NAV2: variants seen among roughly 807,000 people sequenced by gnomAD.
The protein encoded by NAV2 is helicase, APC down-regulated 1.
Under a neutral mutation model 223.2 loss-of-function variants are expected in NAV2, and 54 were observed. The ratio of observed to expected loss-of-function variants is 0.24; its 90% CI spans 0.19 to 0.30. The LOEUF is 0.30. NAV2 is among the 10% of genes least tolerant of loss of function. The pLI is 1.00. For missense variants in NAV2, 2,806 were observed against 3,147.5 expected (o/e 0.89, Z 2.60); for synonymous variants, 1,279 against 1,239.3 (o/e 1.03, Z -0.67).
chr11:19,998,282 C>CCT lies in NAV2; in HGVS notation c.2768+14041_2768+14042dup, dbSNP rs1299752069. Among the ~76,000 whole-genome samples, 1 of 151,902 alleles carries CCT rather than the reference C, an allele frequency of 6.6e-6. No homozygotes were observed. The highest frequency in any genetic ancestry group is 1.5e-5 in the Non-Finnish European group (1 of 67,982). On this transcript the variant is annotated intron_variant, in intron 11 of 37. Transcript: ENST00000349880. The surrounding 1 kb of genome is among the most constrained non-coding windows in gnomAD (Gnocchi z 5.0). ...CCCTGTCTCTCTGCTTCTCTCTCTC[C>CCT]CTCTCTCCGCCCACCTCCCTCTCCT...
At chr11:19,388,220 T>C (rs1849117643) in intron 1 of NAV2, among the ~76,000 whole-genome samples, 1 of 152,222 alleles carries the variant, frequency 6.6e-6, no homozygotes, top group Non-Finnish European at 1.5e-5. Context: ...TGTGAAACCG[T>C]GGATTATACA....
At chr11:19,964,009 C>T (rs1261928144) in intron 10 of NAV2, among the ~76,000 whole-genome samples, 2 of 152,170 alleles carry the variant, frequency 1.3e-5, no homozygotes, top group Non-Finnish European at 2.9e-5. Context: ...TCACCCACTG[C>T]AAACCCAAAC....
intron 1 of NAV2, among the ~76,000 whole-genome samples, chr11:19,575,684 A>G (rs2045552198): frequency 6.6e-6 from 1 of 152,150 alleles, no homozygotes. Context: ...CCTTTAAGGC[A>G]TTGGTCATCA....
intron 1 of NAV2, among the ~76,000 whole-genome samples, chr11:19,394,804 C>A (rs902734295): frequency 1.3e-5 from 2 of 152,112 alleles, no homozygotes; most frequent in African/African-American, 4.8e-5. Flanking sequence ...GAAAGAGGTT[C>A]AAATGTGGCG....
chr11:19,361,652 C>T (rs561736454), intron 1 of NAV2, among the ~76,000 whole-genome samples: 49 of 152,118 alleles, frequency 3.2e-4, no homozygotes, highest in Admixed American at 2.6e-4. Context: ...AGCTTGAAAA[C>T]GTGAGTGTGG....
chr11:19,914,733 A>G (rs1220549294), intron 6 of NAV2, among the ~76,000 whole-genome samples: 1 of 150,608 alleles, frequency 6.6e-6, no homozygotes, highest in Non-Finnish European at 1.5e-5. Flanking sequence ...TTTAGTAGAG[A>G]CGGGGTTTCA....
At chr11:19,364,709 A>G (rs1854162399) in intron 1 of NAV2, among the ~76,000 whole-genome samples, 3 of 152,236 alleles carry the variant, frequency 2.0e-5, no homozygotes. Context: ...GACAGATGCC[A>G]CGGTAGCAGT....
chr11:19,987,118 A>G (rs2050861710), intron 11 of NAV2, among the ~76,000 whole-genome samples: 1 of 152,244 alleles, frequency 6.6e-6, no homozygotes, highest in Non-Finnish European at 1.5e-5. Context: ...GATAGTGTAG[A>G]CTTGAGACAA....
intron 1 of NAV2, among the ~76,000 whole-genome samples, chr11:19,553,522 C>CACACACA (rs1389497083): frequency 1.3e-5 from 2 of 149,606 alleles, no homozygotes; most frequent in African/African-American, 5.0e-5. Context: ...CACACACACA[C>CACACACA]CTCTCTCCCC....
intron 1 of NAV2, among the ~76,000 whole-genome samples, chr11:19,597,285 T>G (rs938133634): frequency 6.6e-6 from 1 of 152,140 alleles, no homozygotes; most frequent in African/African-American, 2.4e-5. Context: ...TATGAAAGAG[T>G]TGATTCAGCT....
At chr11:19,388,213 G>A (rs1415825927) in intron 1 of NAV2, among the ~76,000 whole-genome samples, 1 of 152,224 alleles carries the variant, frequency 6.6e-6, no homozygotes, top group Non-Finnish European at 1.5e-5. Context: ...AATACTTTGT[G>A]AAACCGTGGA....
At position 19,632,164 on chromosome 11, in the gene NAV2, A is replaced by G. The variant is rs147915064; in HGVS notation, c.76-200320A>G. On this transcript the variant is annotated intron_variant, in intron 1 of 37. Coordinates refer to the NAV2 transcript ENST00000360655. The stretch of plus-strand genomic sequence containing the variant: ...ATTGGTTGGATTTCCTGCCTGGCAC[A>G]GGGATCAGTGAGAGCACACCCCCAT... 9.4e-3 allele frequency among the ~76,000 whole-genome samples: 1,425 copies of G among 152,376 alleles called. 15 individuals carry two copies. Among genetic ancestry groups the G allele is most frequent in the Non-Finnish European group, 0.014 (928 of 68,032 alleles).
At chr11:19,662,830 G>T (rs1055360524) in intron 1 of NAV2, among the ~76,000 whole-genome samples, 1 of 152,204 alleles carries the variant, frequency 6.6e-6, no homozygotes, top group East Asian at 1.9e-4. Context: ...TGGGCTGCAC[G>T]CCCTCCTCTT....
upstream of NAV2, among the ~76,000 whole-genome samples, chr11:19,712,802 G>A (rs2152311812): frequency 6.6e-6 from 1 of 151,666 alleles, no homozygotes; most frequent in South Asian, 2.1e-4. Flanking sequence ...GGCCCCGGCT[G>A]TCAGCGCGCG....
chr11:19,513,809 A>T (rs2043354628), intron 1 of NAV2, among the ~76,000 whole-genome samples: 1 of 152,210 alleles, frequency 6.6e-6, no homozygotes, highest in African/African-American at 2.4e-5. Flanking sequence ...TAGGAGAGAG[A>T]CACACATGGG....
intron 1 of NAV2, among the ~76,000 whole-genome samples, chr11:19,455,904 G>A (rs940170296): frequency 1.3e-5 from 2 of 152,230 alleles, no homozygotes; most frequent in Non-Finnish European, 2.9e-5. Context: ...CTGCCCGGTT[G>A]CCATGGTGTT....
chr11:20,005,395 G>A (rs1287291748), intron 11 of NAV2, among the ~76,000 whole-genome samples: 1 of 151,548 alleles, frequency 6.6e-6, no homozygotes, highest in African/African-American at 2.4e-5. Flanking sequence ...ACAGGCGTCT[G>A]CCACCAAGCC....
chr11:19,948,538 C>T (rs2047121614), intron 9 of NAV2, among the ~76,000 whole-genome samples, 153 bp from the exon 10 acceptor site: 1 of 152,140 alleles, frequency 6.6e-6, no homozygotes, highest in Non-Finnish European at 1.5e-5. Context: ...TCATTTTGAG[C>T]AGAGGAAGCA....
chr11:19,643,820 G>A (rs1489688731), intron 1 of NAV2, among the ~76,000 whole-genome samples: 2 of 152,166 alleles, frequency 1.3e-5, no homozygotes, highest in Non-Finnish European at 1.5e-5. Context: ...ATCCTCTCCA[G>A]CACCTGTTGT....
Sources: gnomAD v4.1 joint callset for allele counts (sites outside exome capture counted in the v4.1 genomes callset) on GRCh38, gnomAD v4.1.1 for gene constraint, Gnocchi (gnomAD v3.1) non-coding constraint, MANE v1.5 for transcripts, NCBI Gene and HGNC (gene_info 2026-07-23, HGNC 2026-07-21) for gene names.